The following ACAP2 variants were observed in gnomAD, a reference collection of about 807,000 sequenced individuals.
ACAP2 encodes arf-GAP with coiled-coil, ANK repeat and PH domain-containing protein 2.
Under a neutral mutation model 115.8 loss-of-function variants are expected in ACAP2, and 39 were observed. That is an observed-to-expected ratio of 0.34 (90% CI 0.26 to 0.44). The LOEUF is 0.44. Ranked by LOEUF, ACAP2 falls within the 20% of genes least tolerant of loss-of-function variation. ACAP2 has a pLI of 1.00. For synonymous variants in ACAP2, 289 were observed against 315.8 expected (o/e 0.92, Z 0.90); for missense variants, 662 against 927.6 (o/e 0.71, Z 3.72).
chr3:195,384,541 A>G (rs1423834617), intron 2 of ACAP2, among the ~76,000 whole-genome samples: 1 of 152,046 alleles, frequency 6.6e-6, no homozygotes, highest in African/African-American at 2.4e-5. Flanking sequence ...AGCCTGGCCA[A>G]TGTGGCAAAA....
chr3:195,290,745 G>A (rs113413562), intron 20 of ACAP2, among the ~76,000 whole-genome samples: 63 of 151,824 alleles, frequency 4.1e-4, no homozygotes, highest in African/African-American at 1.4e-3. Flanking sequence ...CCCAGGAGGC[G>A]GAGGTTGCAG....
At chr3:195,360,153 A>G in intron 4 of ACAP2, among the ~76,000 whole-genome samples, 1 of 152,198 alleles carries the variant, frequency 6.6e-6, no homozygotes, top group Middle Eastern at 3.2e-3. Flanking sequence ...ACCTATAAAG[A>G]CAAAAACTGA....
At chr3:195,301,918 T>C (rs41267001) in intron 14 of ACAP2, 48 bp downstream of exon 14, 2 of 1,579,610 alleles carry the variant, frequency 1.3e-6, no homozygotes, top group Non-Finnish European at 1.7e-6. Flanking sequence ...CATTTCTATC[T>C]GTGTTTATCC....
Position 195,289,218 on chromosome 3 carries a change from A to G in ACAP2, c.2077T>C (p.Phe693Leu), listed in dbSNP as rs371627874. 4 of 1,612,648 alleles carry G rather than the reference A, an allele frequency of 2.5e-6. No individual in the cohort carries two copies. The African/African-American group carries it at 5.3e-5, about 22-fold the overall frequency. The stretch of plus-strand genomic sequence containing the variant: ...TGTTGATTGGCACCTCGTTTTAGGA[A>G]TAAACATACCTGCCTGTTTAAGAAC... ...VLGHTGQVCL[F>L]LKRGANQHAT... The change falls in exon 21 of 23, where the codon TTC becomes CTC. Residue 693 changes from phenylalanine (F) to leucine (L), a missense_variant. By Grantham distance (22) the Phe-to-Leu change is conservative (BLOSUM62 0). Coordinates refer to ENST00000326793, the MANE Select transcript of ACAP2 (RefSeq NM_012287.6).
At chr3:195,312,666 A>T (rs1027302729) in intron 10 of ACAP2, among the ~76,000 whole-genome samples, 65 of 142,068 alleles carry the variant, frequency 4.6e-4, no homozygotes, top group Admixed American at 4.5e-3. Flanking sequence ...AGATATGTTT[A>T]AAAAAAAAAG....
chr3:195,287,643 C>T (rs1347593554), intron 21 of ACAP2, among the ~76,000 whole-genome samples: 4 of 152,082 alleles, frequency 2.6e-5, no homozygotes, highest in African/African-American at 9.7e-5. Context: ...AAAACAAGCA[C>T]AAATTCCTAC....
At chr3:195,321,415 T>C (rs1380348299) in intron 9 of ACAP2, among the ~76,000 whole-genome samples, 3 of 151,576 alleles carry the variant, frequency 2.0e-5, no homozygotes, top group Non-Finnish European at 4.4e-5. Flanking sequence ...GGTTTCACCA[T>C]GTTGGCCAGG....
At chr3:195,363,147 C>T (rs1483413191) in intron 4 of ACAP2, among the ~76,000 whole-genome samples, 1 of 152,102 alleles carries the variant, frequency 6.6e-6, no homozygotes, top group Non-Finnish European at 1.5e-5. Context: ...TTTCCATAGG[C>T]CAACAGTGAA....
intron 1 of ACAP2, among the ~76,000 whole-genome samples, chr3:195,398,268 C>G (rs1220936303): frequency 6.6e-6 from 1 of 152,180 alleles, no homozygotes. Flanking sequence ...AGGAAGGTTA[C>G]AGTTCTAAAT....
intron 1 of ACAP2, among the ~76,000 whole-genome samples, chr3:195,416,930 T>A (rs1483511503): frequency 6.6e-6 from 1 of 152,034 alleles, no homozygotes; most frequent in South Asian, 2.1e-4. Flanking sequence ...CAAGTCTTTT[T>A]TTTTTAAGAG....
chr3:195,321,425 G>A, intron 9 of ACAP2, among the ~76,000 whole-genome samples: 1 of 151,606 alleles, frequency 6.6e-6, no homozygotes, highest in East Asian at 1.9e-4. Context: ...TGTTGGCCAG[G>A]CTGGTCTTGA....
At chr3:195,335,505 GAA>G (rs1359802725) in intron 7 of ACAP2, among the ~76,000 whole-genome samples, 1 of 152,092 alleles carries the variant, frequency 6.6e-6, no homozygotes, top group East Asian at 1.9e-4. Flanking sequence ...CAGAAAGAGA[GAA>G]AAAGACAAAG....
chr3:195,424,511 C>T (rs1410346744), intron 1 of ACAP2, among the ~76,000 whole-genome samples: 1 of 151,268 alleles, frequency 6.6e-6, no homozygotes, highest in Non-Finnish European at 1.5e-5. Flanking sequence ...GTTGGCCAGT[C>T]TGGTCTTGAA....
chr3:195,392,428 G>T (rs187167482), intron 1 of ACAP2, among the ~76,000 whole-genome samples: 1 of 152,130 alleles, frequency 6.6e-6, no homozygotes, highest in Non-Finnish European at 1.5e-5. Flanking sequence ...TATTTAGCAC[G>T]TACTTTTTAA....
At chr3:195,346,147 C>T (rs1224503098) in intron 4 of ACAP2, among the ~76,000 whole-genome samples, 1 of 152,156 alleles carries the variant, frequency 6.6e-6, no homozygotes, top group East Asian at 1.9e-4. Context: ...CCCCAGGAAT[C>T]TGGACTTTTC....
At chr3:195,336,336 C>A (rs112638258) in intron 7 of ACAP2, 2 of 151,728 alleles carry the variant, frequency 1.3e-5, no homozygotes, top group African/African-American at 2.4e-5. Context: ...TAACTGCATA[C>A]GGAAGAACAA....
At chr3:195,342,994 C>CA (rs11444212) in intron 5 of ACAP2, among the ~76,000 whole-genome samples, 42,121 of 128,862 alleles carry the variant, frequency 0.33, 7,089 homozygotes, top group East Asian at 0.81. Context: ...GACTCCGACT[C>CA]AAAAAAAAAA....
At chr3:195,442,700 C>T in intron 1 of ACAP2, 95 bp downstream of exon 1, 2 of 1,331,272 alleles carry the variant, frequency 1.5e-6, no homozygotes, top group South Asian at 1.4e-5. Flanking sequence ...AAGGAGCGGA[C>T]GGCGGGGCCT....
At chr3:195,360,328 A>G (rs1732267493) in intron 4 of ACAP2, among the ~76,000 whole-genome samples, 1 of 152,246 alleles carries the variant, frequency 6.6e-6, no homozygotes, top group South Asian at 2.1e-4. Context: ...GAACATAACA[A>G]GTATAATTAT....
Sources: gnomAD v4.1 joint callset for allele counts (sites outside exome capture counted in the v4.1 genomes callset) on GRCh38, gnomAD v4.1.1 for gene constraint, MANE v1.5 for transcripts, NCBI Gene and HGNC (gene_info 2026-07-23, HGNC 2026-07-21) for gene names.